FRMD4A: variants seen among roughly 807,000 people sequenced by gnomAD.
FRMD4A encodes the protein FERM domain-containing protein 4A.
FRMD4A carries 29 observed loss-of-function variants against 129.1 expected under a neutral mutation model. The observed-to-expected ratio is 0.22, with a 90% CI of 0.17 to 0.31. The LOEUF (loss-of-function observed/expected upper bound fraction) is 0.31. Among genes scored for constraint, FRMD4A ranks in the 10% least tolerant of loss-of-function variants. The pLI is 1.00. For missense variants in FRMD4A, 1,272 were observed against 1,375.8 expected (o/e 0.92, Z 1.19); for synonymous variants, 634 against 571.6 (o/e 1.11, Z -1.56).
At chr10:13,709,120 A>G (rs1399631962) in intron 12 of FRMD4A, among the ~76,000 whole-genome samples, 1 of 151,946 alleles carries the variant, frequency 6.6e-6, no homozygotes, top group Non-Finnish European at 1.5e-5. Context: ...ATGCCACCAC[A>G]CCTGGATAAT....
At chr10:14,320,855 C>T (rs1009845406) in intron 2 of FRMD4A, among the ~76,000 whole-genome samples, 1 of 152,178 alleles carries the variant, frequency 6.6e-6, no homozygotes, top group Non-Finnish European at 1.5e-5. Context: ...ACCCCGGGGC[C>T]ATGGCCCAGG....
chr10:14,197,482 T>C lies in FRMD4A; in HGVS notation c.45+132576A>G, dbSNP rs545712926. ...TTCAAGCAATTCTCCTGCCTCAGCC[T>C]CCCGAGTAGCTGGGATTACAGGCGT... On this transcript the variant is annotated intron_variant, in intron 2 of 24. Transcript: ENST00000357447. Among the ~76,000 whole-genome samples the C allele has an allele frequency of 1.4e-4, 21 of 152,272 alleles. No individual in the cohort carries two copies. The South Asian group carries it at 4.4e-3, about 32-fold the overall frequency.
At chr10:13,673,671 AACAG>A (rs1316976491) in intron 16 of FRMD4A, among the ~76,000 whole-genome samples, 1 of 152,182 alleles carries the variant, frequency 6.6e-6, no homozygotes, top group African/African-American at 2.4e-5. Context: ...TCATGAAATA[AACAG>A]ACAAAGGTGG....
At chr10:13,770,901 T>C (rs1203175275) in intron 6 of FRMD4A, among the ~76,000 whole-genome samples, 3 of 152,200 alleles carry the variant, frequency 2.0e-5, no homozygotes, top group South Asian at 2.1e-4. Flanking sequence ...ATTTATGTTG[T>C]CCTCTAGAAT....
rs1399840208 is a variant in FRMD4A at position 14,055,120 on chromosome 10, C to T, written c.46-196208G>A. ...CCCAGGAAGATGGGAGGTGAGAGCA[C>T]TGAAGTACTTCAGAGAAGATCCCAG... On this transcript the variant is annotated intron_variant, in intron 2 of 24. Coordinates refer to ENST00000357447, the MANE Select transcript of FRMD4A (RefSeq NM_018027.5). Among the ~76,000 whole-genome samples the T allele has an allele frequency of 2.6e-5, 4 of 152,184 alleles. No individual in the cohort carries two copies. The East Asian group carries it at 7.7e-4, about 29-fold the overall frequency.
chr10:13,938,624 G>T (rs949777536), intron 2 of FRMD4A, among the ~76,000 whole-genome samples: 13 of 152,104 alleles, frequency 8.5e-5, no homozygotes, highest in African/African-American at 3.1e-4. Context: ...TTTTTATCCA[G>T]CACAAAATCC....
intron 2 of FRMD4A, among the ~76,000 whole-genome samples, chr10:13,982,355 C>T (rs1028895829): frequency 1.3e-5 from 2 of 151,668 alleles, no homozygotes; most frequent in Admixed American, 6.6e-5. Context: ...CGGTGGCATG[C>T]GCCTGTAATT....
chr10:14,296,976 G>A (rs530004001), intron 2 of FRMD4A, among the ~76,000 whole-genome samples: 1 of 152,268 alleles, frequency 6.6e-6, no homozygotes, highest in South Asian at 2.1e-4. Flanking sequence ...CCCAGACACA[G>A]CTTCTCAATA....
chr10:13,808,727 T>C (rs1444053625), intron 4 of FRMD4A, among the ~76,000 whole-genome samples: 1 of 152,176 alleles, frequency 6.6e-6, no homozygotes, highest in Non-Finnish European at 1.5e-5. Flanking sequence ...TAGTTCTTTT[T>C]CAGAAATCTT....
intron 12 of FRMD4A, among the ~76,000 whole-genome samples, chr10:13,711,561 G>A (rs556818409): frequency 1.2e-4 from 19 of 152,330 alleles, no homozygotes; most frequent in African/African-American, 4.3e-4. Flanking sequence ...TGACTGGGCC[G>A]GTTCCCTTAG....
chr10:14,292,337 C>T (rs1173118921), intron 2 of FRMD4A, among the ~76,000 whole-genome samples: 1 of 152,090 alleles, frequency 6.6e-6, no homozygotes, highest in Non-Finnish European at 1.5e-5. Context: ...AGAAATAAGC[C>T]CATGCTTATA....
intron 2 of FRMD4A, among the ~76,000 whole-genome samples, chr10:14,210,363 A>G (rs755709702): frequency 1.1e-4 from 17 of 152,160 alleles, no homozygotes; most frequent in Non-Finnish European, 2.1e-4. Context: ...CCAGCCCCAG[A>G]ACTGGGAGAC....
intron 2 of FRMD4A, among the ~76,000 whole-genome samples, chr10:14,268,458 G>T (rs1329622840): frequency 6.6e-6 from 1 of 152,094 alleles, no homozygotes; most frequent in Non-Finnish European, 1.5e-5. Context: ...ACTTATTTCT[G>T]CAAATAGTCC....
chr10:14,220,783 CGT>C (rs71388166), intron 2 of FRMD4A, among the ~76,000 whole-genome samples: 3,170 of 141,666 alleles, frequency 0.022, 122 homozygotes, highest in East Asian at 0.16. Flanking sequence ...GGCTGAGTTG[CGT>C]GTGTGTGTGT....
intron 2 of FRMD4A, among the ~76,000 whole-genome samples, chr10:14,239,632 AAAAC>A (rs1188249910): frequency 4.7e-5 from 7 of 149,056 alleles, no homozygotes; most frequent in Middle Eastern, 7.2e-3. Context: ...GTCTCAAGAA[AAAAC>A]AAACAAACAA....
intron 2 of FRMD4A, among the ~76,000 whole-genome samples, chr10:14,098,482 C>T (rs971992383): frequency 3.3e-5 from 5 of 152,080 alleles, no homozygotes; most frequent in Non-Finnish European, 5.9e-5. Flanking sequence ...TGGCTCACTG[C>T]AAGCTCCGCT....
chr10:13,799,401 A>T (rs1159098822), intron 4 of FRMD4A, among the ~76,000 whole-genome samples: 1 of 152,116 alleles, frequency 6.6e-6, no homozygotes, highest in Non-Finnish European at 1.5e-5. Flanking sequence ...CAGGCAATCC[A>T]CCTGCCTCGG....
At chr10:14,246,059 C>G (rs1210167988) in intron 2 of FRMD4A, among the ~76,000 whole-genome samples, 1 of 152,194 alleles carries the variant, frequency 6.6e-6, no homozygotes, top group East Asian at 1.9e-4. Context: ...CAAGGGCTGT[C>G]TGCCCTGCTA....
Position 13,657,384 on chromosome 10 carries a change from A to G in FRMD4A, c.2205T>C (p.Thr735=), listed in dbSNP as rs772192736. ...TGGGGTCTGAGCCGTTGCTGCTACG[A>G]GTCCGCGGGGTGTAGAAGTCGGGGC... The part of the protein sequence containing the change: ...TGSPDFYTPR[T]RSSNGSDPMD... Residue 735 remains threonine (T), a synonymous_variant, in exon 22 of 25, where the codon ACT becomes ACC. Transcript: ENST00000357447. The G allele has an allele frequency of 6.2e-7, 1 of 1,612,700 alleles. No homozygotes were observed. Among genetic ancestry groups the G allele is most frequent in the Admixed American group, 1.7e-5 (1 of 60,006 alleles).
Sources: gnomAD v4.1 joint callset for allele counts (sites outside exome capture counted in the v4.1 genomes callset) on GRCh38, gnomAD v4.1.1 for gene constraint, MANE v1.5 for transcripts, NCBI Gene and HGNC (gene_info 2026-07-23, HGNC 2026-07-21) for gene names.